Variants in KCNIP4 observed in about 807,000 individuals in gnomAD.
KCNIP4 encodes Kv channel-interacting protein 4.
In KCNIP4, 12 loss-of-function variants were observed where a neutral mutation model predicts 34.0. That is an observed-to-expected ratio of 0.35 (90% confidence interval 0.23 to 0.57). KCNIP4 has a LOEUF of 0.57. Ranked by LOEUF, KCNIP4 falls within the 20% of genes least tolerant of loss-of-function variation. KCNIP4 has a pLI of 0.83. For synonymous variants in KCNIP4, 124 were observed against 102.2 expected (o/e 1.21, Z -1.29); for missense variants, 238 against 311.7 (o/e 0.76, Z 1.78).
intron 1 of KCNIP4, among the ~76,000 whole-genome samples, chr4:21,050,217 A>C (rs1338660733): frequency 6.6e-6 from 1 of 152,208 alleles, no homozygotes; most frequent in Non-Finnish European, 1.5e-5. Context: ...TAATTTAATC[A>C]CAAGATCGTT....
intron 1 of KCNIP4, among the ~76,000 whole-genome samples, chr4:20,966,230 C>T (rs977195907): frequency 1.3e-5 from 2 of 152,162 alleles, no homozygotes; most frequent in African/African-American, 4.8e-5. Flanking sequence ...GGAATCACAT[C>T]ACCAATTACT....
At chr4:21,104,881 G>A (rs1748350570) in intron 1 of KCNIP4, among the ~76,000 whole-genome samples, 1 of 151,512 alleles carries the variant, frequency 6.6e-6, no homozygotes, top group African/African-American at 2.4e-5. Flanking sequence ...TTTTTGTCAG[G>A]TTTGTCAAAG....
intron 1 of KCNIP4, among the ~76,000 whole-genome samples, chr4:21,250,220 A>G (rs1223325306): frequency 2.0e-5 from 3 of 147,130 alleles, no homozygotes; most frequent in African/African-American, 7.4e-5. Context: ...GGACTGTTAA[A>G]AAAAAAAAAA....
chr4:21,704,296 G>C (rs4337724), intron 1 of KCNIP4, among the ~76,000 whole-genome samples: 69,746 of 151,912 alleles, frequency 0.46, 18,872 homozygotes, highest in Non-Finnish European at 0.61. Flanking sequence ...ATTGCTGGTA[G>C]AACAGATGTT....
intron 1 of KCNIP4, among the ~76,000 whole-genome samples, chr4:21,614,400 C>T (rs1422277671): frequency 6.6e-6 from 1 of 151,362 alleles, no homozygotes; most frequent in Admixed American, 6.6e-5. Flanking sequence ...AATGAATGCA[C>T]CCCTACCTTC....
chr4:21,283,721 A>G (rs906174121), intron 1 of KCNIP4, among the ~76,000 whole-genome samples: 10 of 151,542 alleles, frequency 6.6e-5, no homozygotes, highest in Non-Finnish European at 1.5e-4. Context: ...TAATGGGTGC[A>G]GCACACAAAC....
At chr4:21,650,843 G>A (rs1180060472) in intron 1 of KCNIP4, among the ~76,000 whole-genome samples, 4 of 152,090 alleles carry the variant, frequency 2.6e-5, no homozygotes, top group South Asian at 2.1e-4. Flanking sequence ...AAAAGCTCTC[G>A]TGGTTGTAGC....
At chr4:21,501,188 T>A (rs1235936593) in intron 1 of KCNIP4, among the ~76,000 whole-genome samples, 1 of 151,868 alleles carries the variant, frequency 6.6e-6, no homozygotes, top group Non-Finnish European at 1.5e-5. Context: ...TGACAATATT[T>A]AAGTCTAAAA....
intron 1 of KCNIP4, among the ~76,000 whole-genome samples, chr4:21,661,100 C>A (rs1748415314): frequency 6.6e-6 from 1 of 152,148 alleles, no homozygotes; most frequent in Non-Finnish European, 1.5e-5. Context: ...TGTCTGAACA[C>A]ATCAAGAGAA....
chr4:21,532,600 C>A (rs1041624816), intron 1 of KCNIP4, among the ~76,000 whole-genome samples: 2 of 152,098 alleles, frequency 1.3e-5, no homozygotes, highest in Admixed American at 6.6e-5. Flanking sequence ...GATACTTTCC[C>A]CACTAAAATT....
At chr4:21,280,125 G>A (rs911886533) in intron 1 of KCNIP4, among the ~76,000 whole-genome samples, 2 of 151,906 alleles carry the variant, frequency 1.3e-5, no homozygotes, top group Admixed American at 6.6e-5. Flanking sequence ...CCATTCTTTT[G>A]TCGGCCTATG....
At chr4:21,035,989 A>G (rs550285195) in intron 1 of KCNIP4, among the ~76,000 whole-genome samples, 1 of 152,298 alleles carries the variant, frequency 6.6e-6, no homozygotes, top group African/African-American at 2.4e-5. Context: ...TCCAGAGCAT[A>G]ATTGGCACAA....
At chr4:20,902,253 C>A (rs1727229857) in intron 1 of KCNIP4, among the ~76,000 whole-genome samples, 1 of 152,092 alleles carries the variant, frequency 6.6e-6, no homozygotes, top group Non-Finnish European at 1.5e-5. Context: ...AAAAGAAGCT[C>A]AGATAAATTC....
intron 1 of KCNIP4, among the ~76,000 whole-genome samples, chr4:21,034,705 T>G (rs10034290): frequency 0.085 from 12,929 of 152,204 alleles, 1,698 homozygotes; most frequent in African/African-American, 0.28. Context: ...GTTATCCTAA[T>G]TGTTTGTGGA....
At position 21,103,029 on chromosome 4, in the gene KCNIP4, GC is replaced by G. The variant is rs540112246; in HGVS notation, c.62-220321del. The stretch of plus-strand genomic sequence containing the variant: ...ATTCTTGTTATATATAAACTCACTT[GC>G]TCTTGCTATGTGGCATTACAATATT... On this transcript the variant is annotated intron_variant, in intron 1 of 8. Transcript: ENST00000382152. Among the ~76,000 whole-genome samples, 17 of 152,078 alleles carry G rather than the reference GC, an allele frequency of 1.1e-4. No homozygotes were observed. The South Asian group carries it at 3.5e-3, about 32-fold the overall frequency.
At chr4:20,771,069 G>A (rs1230523250) in intron 3 of KCNIP4, among the ~76,000 whole-genome samples, 2 of 152,172 alleles carry the variant, frequency 1.3e-5, no homozygotes, top group African/African-American at 4.8e-5. Context: ...TAGGTTATAT[G>A]TAAATACTAC....
chr4:21,038,287 T>G (rs1044302409), intron 1 of KCNIP4, among the ~76,000 whole-genome samples: 2 of 152,240 alleles, frequency 1.3e-5, no homozygotes, highest in Non-Finnish European at 2.9e-5. Flanking sequence ...AAATGCTTTC[T>G]GTAACTTCCA....
At chr4:21,664,784 T>TG (rs1164351449) in intron 1 of KCNIP4, among the ~76,000 whole-genome samples, 1 of 152,172 alleles carries the variant, frequency 6.6e-6, no homozygotes, top group African/African-American at 2.4e-5. Flanking sequence ...TAAATGCCTA[T>TG]GGACTATTTT....
chr4:21,834,405 G>T (rs1353249432), intron 1 of KCNIP4, among the ~76,000 whole-genome samples: 1 of 152,102 alleles, frequency 6.6e-6, no homozygotes, highest in Non-Finnish European at 1.5e-5. Context: ...TCTGTTGTTG[G>T]TGTATAAGAA....
Sources: gnomAD v4.1 joint callset for allele counts (sites outside exome capture counted in the v4.1 genomes callset) on GRCh38, gnomAD v4.1.1 for gene constraint, MANE v1.5 for transcripts, NCBI Gene and HGNC (gene_info 2026-07-23, HGNC 2026-07-21) for gene names.